BCAS3: variants seen among roughly 807,000 people sequenced by gnomAD.
BCAS3 encodes BCAS3 microtubule associated cell migration factor, also known as BCAS4/BCAS3 fusion.
A neutral mutation model predicts 116.1 loss-of-function variants in BCAS3; 53 were observed. That is an observed-to-expected ratio of 0.46 (90% CI 0.37 to 0.57). The LOEUF (loss-of-function observed/expected upper bound fraction) is 0.57, where lower values mean the gene tolerates loss of function less well. BCAS3 is among the 20% of genes least tolerant of loss of function. The probability of loss-of-function intolerance (pLI) is 0.00; values close to 1 mark genes in which losing one functional copy is unlikely to be tolerated. For missense variants in BCAS3, 917 were observed against 1,165.4 expected, an observed-to-expected ratio of 0.79 and a Z score of 3.10; for synonymous variants, 391 against 408.2, an observed-to-expected ratio of 0.96 and a Z score of 0.51.
chr17:61,325,374 G>C lies in BCAS3; in HGVS notation c.2426-42953G>C, dbSNP rs2055646171. Among the ~76,000 whole-genome samples the C allele has an allele frequency of 6.6e-6, 1 of 152,176 alleles. No homozygotes were observed. Among genetic ancestry groups the C allele is most frequent in the African/African-American group, 2.4e-5 (1 of 41,440 alleles). ...GCGTGGCCTCTCCCCACCCTGCCCT[G>C]AACAGTTATTAGGGCTCACAGGGCT... On this transcript the variant is annotated intron_variant, in intron 22 of 23. Coordinates refer to ENST00000407086, the MANE Select transcript of BCAS3 (RefSeq NM_017679.5). The surrounding 1 kb of genome is among the most constrained non-coding windows in gnomAD (Gnocchi z 6.4).
rs1171415531 is a variant in BCAS3, at chr17:61,214,050, T to C, written c.2425+129486T>C. ...ACCTAACCTCACAGGACTCCTAGCA[T>C]GGCTGGTTTCAAAACTCGTTTGAGC... On this transcript the variant is annotated intron_variant, in intron 22 of 23. Transcript: ENST00000407086. This position sits in a 1 kb window ranked among gnomAD's most constrained non-coding sequence, Gnocchi z 4.4. Among the ~76,000 whole-genome samples, 2 of 152,098 alleles carry C rather than the reference T, an allele frequency of 1.3e-5. No homozygotes were observed. Among genetic ancestry groups the C allele is most frequent in the Non-Finnish European group, 2.9e-5 (2 of 68,030 alleles).
intron 18 of BCAS3, among the ~76,000 whole-genome samples, chr17:61,040,242 G>A (rs2145618794): frequency 1.3e-5 from 2 of 152,240 alleles, no homozygotes; most frequent in African/African-American, 4.8e-5. Context: ...GGATTGATCT[G>A]ATCAATATCT....
At position 61,180,528 on chromosome 17, in the gene BCAS3, C is replaced by T. The variant is rs750264931; in HGVS notation, c.2425+95964C>T. 6.6e-6 allele frequency among the ~76,000 whole-genome samples: 1 copy of T among 152,188 alleles called. No homozygotes were observed. Among genetic ancestry groups the T allele is most frequent in the African/African-American group, 2.4e-5 (1 of 41,442 alleles). The stretch of plus-strand genomic sequence containing the variant: ...TTGCCTCAGGGTAAGTAGTAGACTG[C>T]ACATCCAGACTTGACCGTCAGGTCA... On this transcript the variant is annotated intron_variant, in intron 22 of 23. Coordinates refer to ENST00000407086, the MANE Select transcript of BCAS3 (RefSeq NM_017679.5). This position sits in a 1 kb window ranked among gnomAD's most constrained non-coding sequence, Gnocchi z 6.0.
intron 14 of BCAS3, among the ~76,000 whole-genome samples, chr17:60,970,616 A>G (rs1156808128): frequency 6.6e-6 from 1 of 152,224 alleles, no homozygotes; most frequent in Non-Finnish European, 1.5e-5. Context: ...TCAAAAGTCA[A>G]ATTATCAGGA....
In BCAS3 at chr17:61,074,982, G is replaced by A. The variant is rs770027559; in HGVS notation, c.2092G>A (p.Asp698Asn). 7.4e-6 allele frequency: 12 copies of A among 1,613,494 alleles called. No homozygotes were observed. The highest frequency in any genetic ancestry group is 1.0e-5 in the Non-Finnish European group (12 of 1,179,594). ...RHGSYDSLAS[D>N]HSGQEDEEWL... The stretch of plus-strand genomic sequence containing the variant: ...TGGGTCTTACGACAGTTTAGCTTCT[G>A]ACCATAGTGGACAGGAAGATGAAGA... Residue 698 changes from aspartate to asparagine, a missense_variant, in exon 20 of 24, where the codon GAC (aspartate) becomes AAC (asparagine). Physicochemically the swap from Asp to Asn is conservative, Grantham distance 23 (BLOSUM62 1). This residue lies in a region of BCAS3 where 807 missense variants were observed against 1,026.0 expected (regional missense o/e 0.79). Coordinates refer to ENST00000407086, the MANE Select transcript of BCAS3 (RefSeq NM_017679.5).
chr17:61,031,191 A>G (rs901007781), intron 16 of BCAS3, among the ~76,000 whole-genome samples: 1 of 152,056 alleles, frequency 6.6e-6, no homozygotes, highest in African/African-American at 2.4e-5. Flanking sequence ...GAGAAAAAAA[A>G]GGTTAGCATT....
chr17:61,284,087 C>G (rs1327003787), intron 22 of BCAS3, among the ~76,000 whole-genome samples: 2 of 152,146 alleles, frequency 1.3e-5, no homozygotes, highest in African/African-American at 4.8e-5. Context: ...ATGCACCAAT[C>G]AGCGTTCTGT....
chr17:60,793,842 C>T (rs1345260023), intron 6 of BCAS3, among the ~76,000 whole-genome samples: 1 of 152,110 alleles, frequency 6.6e-6, no homozygotes, highest in African/African-American at 2.4e-5. Context: ...CATGATTTTG[C>T]AATTGTGAAC....
At chr17:60,930,429 A>G (rs999835634) in intron 13 of BCAS3, among the ~76,000 whole-genome samples, 2 of 152,188 alleles carry the variant, frequency 1.3e-5, no homozygotes, top group African/African-American at 4.8e-5. Flanking sequence ...TACACTTAAG[A>G]ATATAAATAA....
chr17:61,313,248 A>G lies in BCAS3; in HGVS notation c.2426-55079A>G, dbSNP rs2054470692. 6.6e-6 allele frequency among the ~76,000 whole-genome samples: 1 copy of G among 152,240 alleles called. No homozygotes were observed. The highest frequency in any genetic ancestry group is 2.4e-5 in the African/African-American group (1 of 41,460). ...GGTTCAAAGAACCAATACTTTCTCA[A>G]TGCCATATAACTGGTAAAGGGTGTG... On this transcript the variant is annotated intron_variant, in intron 22 of 23. Coordinates refer to ENST00000407086, the MANE Select transcript of BCAS3 (RefSeq NM_017679.5). The surrounding 1 kb of genome is among the most constrained non-coding windows in gnomAD (Gnocchi z 4.3).
chr17:61,312,763 C>T (rs1250063082), intron 22 of BCAS3, among the ~76,000 whole-genome samples: 7 of 152,192 alleles, frequency 4.6e-5, no homozygotes, highest in African/African-American at 1.7e-4. Flanking sequence ...CTACCACCAT[C>T]GGGGACATCA....
In BCAS3 at chr17:60,718,674, C is replaced by T. The variant is rs117213152; in HGVS notation, c.321+9349C>T. Among the ~76,000 whole-genome samples the T allele has an allele frequency of 4.9e-3, 749 of 152,174 alleles. 15 individuals carry two copies. Among genetic ancestry groups the T allele is most frequent in the East Asian group, 0.03 (158 of 5,186 alleles). On this transcript the variant is annotated intron_variant, in intron 5 of 23. Transcript: ENST00000407086. ...AGGATTCATTTAGCATTACCATTTC[C>T]CTGATGACTAATAATGTGGAGTACT...
intron 5 of BCAS3, among the ~76,000 whole-genome samples, chr17:60,710,479 T>G (rs377645998): frequency 2.6e-5 from 4 of 151,160 alleles, no homozygotes; most frequent in Admixed American, 6.6e-5. Context: ...TTGCCCAGGC[T>G]GGAGTGCAGT....
In BCAS3 at chr17:61,122,761, A is replaced by G. The variant is rs905016119; in HGVS notation, c.2425+38197A>G. On this transcript the variant is annotated intron_variant, in intron 22 of 23. Coordinates refer to ENST00000407086, the MANE Select transcript of BCAS3 (RefSeq NM_017679.5). This position sits in a 1 kb window ranked among gnomAD's most constrained non-coding sequence, Gnocchi z 4.6. ...AAACCATCTCAGCAAAAATAAATTC[A>G]AGAATATGTATATATGATGTTCATA... is the stretch of plus-strand genomic sequence containing the variant. 6.6e-6 allele frequency among the ~76,000 whole-genome samples: 1 copy of G among 152,190 alleles called. No individual in the cohort carries two copies. Among genetic ancestry groups the G allele is most frequent in the Non-Finnish European group, 1.5e-5 (1 of 68,022 alleles).
chr17:61,286,372 C>T lies in BCAS3; in HGVS notation c.2426-81955C>T, dbSNP rs9911621. Among the ~76,000 whole-genome samples, 6,773 of 152,246 alleles carry T rather than the reference C, an allele frequency of 0.044. 498 individuals are homozygous for T. Among genetic ancestry groups the T allele is most frequent in the African/African-American group, 0.15 (6,336 of 41,512 alleles). ...TTTATACTGATGTCTGCGCCCACTC[C>T]TGTGCTGGTGAAGTCTGGCGTGTGG... On this transcript the variant is annotated intron_variant, in intron 22 of 23. Transcript: ENST00000407086. The surrounding 1 kb of genome is among the most constrained non-coding windows in gnomAD (Gnocchi z 4.8).
chr17:60,699,199 G>GTTTA (rs764772176), intron 4 of BCAS3, among the ~76,000 whole-genome samples: 3 of 150,734 alleles, frequency 2.0e-5, no homozygotes, highest in Admixed American at 6.6e-5. Context: ...AACACCATTT[G>GTTTA]TTTATTTATT....
At chr17:61,336,904 G>A (rs1013561298) in intron 22 of BCAS3, among the ~76,000 whole-genome samples, 9 of 152,132 alleles carry the variant, frequency 5.9e-5, no homozygotes, top group African/African-American at 2.2e-4. Context: ...CTTGAGGTCA[G>A]GAGTTTGAGA....
rs749836305 is a variant in BCAS3 at position 60,990,152 on chromosome 17, A to T, written c.1403A>T (p.Glu468Val). The change falls in exon 15 of 24, where the codon GAA becomes GTA. Residue 468 changes from glutamate (E) to valine (V), a missense_variant. Physicochemically the swap from Glu to Val is moderately radical, Grantham distance 121 (BLOSUM62 -2). Transcript: ENST00000407086. This position sits in a 1 kb window ranked among gnomAD's most constrained non-coding sequence, Gnocchi z 5.1. The part of the protein sequence containing the change: ...FQKSAGLEEI[E>V]QELTSKQGGR... ...AAAAGTGCTGGACTGGAAGAGATTG[A>T]ACAAGAACTGACGTCTAAGCAAGGA... 6.8e-6 allele frequency: 11 copies of T among 1,614,088 alleles called. No individual in the cohort carries two copies. In the Admixed American group the frequency reaches 1.8e-4, roughly 27 times the overall value.
In BCAS3 at chr17:60,913,777, T is replaced by C. The variant is rs140315699; in HGVS notation, c.993+3075T>C. Among the ~76,000 whole-genome samples the C allele has an allele frequency of 3.0e-4, 45 of 152,296 alleles. No homozygotes were observed. In the East Asian group the frequency reaches 8.3e-3, roughly 28 times the overall value. ...AAAATCGGATTCACCATCCTTCTGA[T>C]GCCATATTGATTAGTTTGATTTTAT... On this transcript the variant is annotated intron_variant, in intron 12 of 23. Transcript: ENST00000407086.
Sources: gnomAD v4.1 joint callset for allele counts (sites outside exome capture counted in the v4.1 genomes callset) on GRCh38, gnomAD v4.1.1 for gene constraint, gnomAD v4.1.1 regional missense constraint, Gnocchi (gnomAD v3.1) non-coding constraint, MANE v1.5 for transcripts, NCBI Gene and HGNC (gene_info 2026-07-23, HGNC 2026-07-21) for gene names.